The following PXDNL variants were observed in gnomAD, a reference collection of about 807,000 sequenced individuals.
PXDNL encodes probable oxidoreductase PXDNL.
A neutral mutation model predicts 150.8 loss-of-function variants in PXDNL; 145 were observed. The ratio of observed to expected loss-of-function variants is 0.96; its 90% CI spans 0.84 to 1.10. The LOEUF is 1.10. Ranked by LOEUF, PXDNL falls within the 50% of genes least tolerant of loss-of-function variation. The pLI is 0.00. For missense variants in PXDNL, 2,087 were observed against 1,873.9 expected (o/e 1.11, Z -2.10); for synonymous variants, 757 against 725.7 (o/e 1.04, Z -0.69).
chr8:51,623,290 G>A (rs1814293717), intron 2 of PXDNL, among the ~76,000 whole-genome samples: 1 of 152,180 alleles, frequency 6.6e-6, no homozygotes, highest in Non-Finnish European at 1.5e-5. Flanking sequence ...CCACCCCTAA[G>A]GTAGCCTTGT....
chr8:51,555,625 T>C (rs4333587), intron 4 of PXDNL, among the ~76,000 whole-genome samples: 60,460 of 152,012 alleles, frequency 0.4, 14,895 homozygotes, highest in African/African-American at 0.7. Context: ...ACATTGAATA[T>C]GGAAACAAAT....
chr8:51,458,488 A>G (rs1809988870), intron 8 of PXDNL, among the ~76,000 whole-genome samples: 1 of 152,218 alleles, frequency 6.6e-6, no homozygotes, highest in Non-Finnish European at 1.5e-5. Context: ...TCACATGTGT[A>G]CACTTAGTAC....
At chr8:51,324,639 G>C (rs374539827) in intron 21 of PXDNL, among the ~76,000 whole-genome samples, 2 of 152,120 alleles carry the variant, frequency 1.3e-5, no homozygotes, top group African/African-American at 4.8e-5. Context: ...TGTCTCTGTT[G>C]TTGAGAATGT....
chr8:51,665,366 G>T (rs1815362870), intron 1 of PXDNL, among the ~76,000 whole-genome samples: 1 of 152,112 alleles, frequency 6.6e-6, no homozygotes, highest in African/African-American at 2.4e-5. Flanking sequence ...CTAAATGTGA[G>T]GATTTATCTA....
intron 3 of PXDNL, among the ~76,000 whole-genome samples, chr8:51,559,831 A>G (rs1419607773): frequency 6.6e-6 from 1 of 152,032 alleles, no homozygotes; most frequent in African/African-American, 2.4e-5. Flanking sequence ...ATTAACAGGA[A>G]AGAAGAAAGC....
chr8:51,742,788 G>T (rs1343170865), intron 1 of PXDNL, among the ~76,000 whole-genome samples: 1 of 152,092 alleles, frequency 6.6e-6, no homozygotes, highest in African/African-American at 2.4e-5. Flanking sequence ...GGCATTTCAT[G>T]ATTGTCACAT....
At chr8:51,501,647 C>A (rs1209080590) in intron 4 of PXDNL, among the ~76,000 whole-genome samples, 1 of 152,102 alleles carries the variant, frequency 6.6e-6, no homozygotes, top group East Asian at 1.9e-4. Flanking sequence ...CTCATGTACA[C>A]TAACACACTT....
At chr8:51,572,490 G>A (rs903332374) in intron 3 of PXDNL, among the ~76,000 whole-genome samples, 1 of 151,890 alleles carries the variant, frequency 6.6e-6, no homozygotes, top group Admixed American at 6.6e-5. Flanking sequence ...TATTCATGAA[G>A]TATCTAGAAA....
chr8:51,799,508 G>T (rs774367112), intron 1 of PXDNL, among the ~76,000 whole-genome samples: 3 of 152,170 alleles, frequency 2.0e-5, no homozygotes, highest in Non-Finnish European at 4.4e-5. Flanking sequence ...ATTGATTGTT[G>T]TCTTGGGCTG....
intron 19 of PXDNL, among the ~76,000 whole-genome samples, chr8:51,368,224 C>T (rs745380319): frequency 6.6e-6 from 1 of 152,184 alleles, no homozygotes; most frequent in Non-Finnish European, 1.5e-5. Context: ...AAGTCCTTAA[C>T]ACCCCAACTT....
rs145103945 is a variant in PXDNL at position 51,361,621 on chromosome 8, C to G, written c.3901+10252G>C. ...CTAAAGGTAATTTAAAATTAGAATG[C>G]AATGTTCCAAATGAATAATACCACA... On this transcript the variant is annotated intron_variant, in intron 19 of 22. Transcript: ENST00000356297. Among the ~76,000 whole-genome samples the G allele has an allele frequency of 5.1e-3, 783 of 152,210 alleles. 6 individuals carry two copies. Among genetic ancestry groups the G allele is most frequent in the African/African-American group, 0.018 (744 of 41,530 alleles).
intron 4 of PXDNL, among the ~76,000 whole-genome samples, chr8:51,510,272 C>A (rs10504121): frequency 6.6e-6 from 1 of 152,010 alleles, no homozygotes; most frequent in East Asian, 1.9e-4. Flanking sequence ...ATTGACCCAT[C>A]GAGAGCATGA....
At chr8:51,445,876 G>T (rs367854614) in intron 12 of PXDNL, among the ~76,000 whole-genome samples, 8 of 152,156 alleles carry the variant, frequency 5.3e-5, no homozygotes, top group African/African-American at 1.4e-4. Context: ...GCACGTCATA[G>T]CCTGACACCT....
chr8:51,641,936 G>T (rs927904093), intron 2 of PXDNL, among the ~76,000 whole-genome samples: 1 of 152,120 alleles, frequency 6.6e-6, no homozygotes, highest in African/African-American at 2.4e-5. Flanking sequence ...ATTCACAATA[G>T]CAAAGACTTG....
rs897114342 is a variant in PXDNL, at chr8:51,792,767, G to A, written c.164+16414C>T. Among the ~76,000 whole-genome samples, 10 of 152,186 alleles carry A rather than the reference G, an allele frequency of 6.6e-5. No individual in the cohort carries two copies. In the South Asian group the frequency reaches 1.0e-3, roughly 16 times the overall value. On this transcript the variant is annotated intron_variant, in intron 1 of 22. Coordinates refer to ENST00000356297, the MANE Select transcript of PXDNL (RefSeq NM_144651.5). ...AGACCTTGACCCAGCCCTCCTCACT[G>A]GGCGGGGCCTCCCTGCTGGAGTTTC...
At chr8:51,752,394 G>A (rs1279418533) in intron 1 of PXDNL, among the ~76,000 whole-genome samples, 5 of 151,974 alleles carry the variant, frequency 3.3e-5, no homozygotes, top group South Asian at 2.1e-4. Flanking sequence ...TAAGGCCCAC[G>A]AAAGGCCTAT....
intron 1 of PXDNL, among the ~76,000 whole-genome samples, chr8:51,757,818 T>C (rs189586737): frequency 1.3e-5 from 2 of 152,350 alleles, no homozygotes; most frequent in Non-Finnish European, 2.9e-5. Context: ...TCTTTGGTTT[T>C]TTTCTGCTGC....
chr8:51,518,088 G>A (rs1811584508), intron 4 of PXDNL, among the ~76,000 whole-genome samples: 1 of 152,172 alleles, frequency 6.6e-6, no homozygotes, highest in South Asian at 2.1e-4. Context: ...CAGGGTCAGT[G>A]TATCTTGTTT....
rs150907540 is a variant in PXDNL at position 51,666,527 on chromosome 8, G to A, written c.165-11767C>T. On this transcript the variant is annotated intron_variant, in intron 1 of 22. Coordinates refer to ENST00000356297, the MANE Select transcript of PXDNL (RefSeq NM_144651.5). ...TCCCTTTCTCTTAGATATTGACTAT[G>A]CCCTTCATACTTGATATTCATCTAC... Among the ~76,000 whole-genome samples, 904 of 152,088 alleles carry A rather than the reference G, an allele frequency of 5.9e-3. 14 individuals are homozygous for A. Among genetic ancestry groups the A allele is most frequent in the African/African-American group, 0.02 (839 of 41,470 alleles).
Sources: allele counts gnomAD v4.1 joint callset (sites outside exome capture counted in the v4.1 genomes callset), GRCh38; gene constraint gnomAD v4.1.1; transcripts MANE v1.5; gene names NCBI Gene and HGNC (gene_info 2026-07-23, HGNC 2026-07-21).